DPYSL2: variants seen among roughly 807,000 people sequenced by gnomAD.
DPYSL2 encodes the protein dihydropyrimidinase like 2.
Under a neutral mutation model 69.9 loss-of-function variants are expected in DPYSL2, and 13 were observed. The observed-to-expected ratio is 0.19, with a 90% CI of 0.12 to 0.30. The LOEUF is 0.30. Ranked by LOEUF, DPYSL2 falls within the 10% of genes least tolerant of loss-of-function variation. DPYSL2 has a pLI of 1.00. For synonymous variants in DPYSL2, 326 were observed against 359.1 expected (o/e 0.91, Z 1.04); for missense variants, 587 against 918.9 (o/e 0.64, Z 4.67).
chr8:26,543,600 G>A (rs1489935610), intron 1 of DPYSL2, among the ~76,000 whole-genome samples: 3 of 151,740 alleles, frequency 2.0e-5, no homozygotes, highest in Non-Finnish European at 4.4e-5. Context: ...CGATTCTCCT[G>A]CTTCAGCCTC....
chr8:26,548,084 T>G, intron 1 of DPYSL2: 1 of 230,736 alleles, frequency 4.3e-6, no homozygotes, highest in Non-Finnish European at 9.0e-6. Flanking sequence ...TCCCCAAGAT[T>G]GAGGATGGAC....
chr8:26,603,943 CAT>C (rs1173472386), intron 3 of DPYSL2, among the ~76,000 whole-genome samples: 1 of 152,180 alleles, frequency 6.6e-6, no homozygotes, highest in Non-Finnish European at 1.5e-5. Context: ...CTGCTATGAA[CAT>C]GAGTGTGCAA....
chr8:26,578,135 C>G (rs1801402547), intron 1 of DPYSL2: 1 of 1,575,114 alleles, frequency 6.3e-7, no homozygotes, highest in African/African-American at 1.4e-5. Flanking sequence ...GAAGCGGTTG[C>G]ACCCTTTTCA....
chr8:26,643,156 C>T lies in DPYSL2; in HGVS notation c.1127-283C>T, dbSNP rs1171723970. On this transcript the variant is annotated intron_variant, in intron 8 of 13. Transcript: ENST00000521913. The surrounding 1 kb of genome is among the most constrained non-coding windows in gnomAD (Gnocchi z 6.5). The stretch of plus-strand genomic sequence containing the variant: ...GATTAATGGAATTGAAAATCAGCAA[C>T]GTAGGAGACAGAAGCCTTCAGGATG... 5 of 346,156 alleles carry T rather than the reference C, an allele frequency of 1.4e-5. No homozygotes were observed. The highest frequency in any genetic ancestry group is 5.3e-5 in the East Asian group (1 of 18,986). The allele number at this position is 346,156 out of a possible 1,614,324, so 21.4% of individuals were successfully genotyped here.
intron 1 of DPYSL2, among the ~76,000 whole-genome samples, chr8:26,520,377 T>C (rs1808365393): frequency 6.6e-6 from 1 of 152,192 alleles, no homozygotes; most frequent in Non-Finnish European, 1.5e-5. Context: ...GAGCTTTTTC[T>C]ATCACTCTAA....
At chr8:26,600,180 G>A (rs1256070796) in intron 3 of DPYSL2, among the ~76,000 whole-genome samples, 1 of 152,216 alleles carries the variant, frequency 6.6e-6, no homozygotes, top group African/African-American at 2.4e-5. Context: ...CATTTGGGTT[G>A]TGTCCACTGT....
chr8:26,556,132 ATACTATATATAG>A (rs1800952116), intron 1 of DPYSL2, among the ~76,000 whole-genome samples: 2 of 2,996 alleles, frequency 6.7e-4, no homozygotes, highest in African/African-American at 2.3e-3. Flanking sequence ...TATATTATAT[ATACTATATATAG>A]TATATACTAT....
rs566708194 is a variant in DPYSL2, at chr8:26,565,788, A to G, written c.355-16181A>G. Among the ~76,000 whole-genome samples the G allele has an allele frequency of 6.6e-6, 1 of 152,298 alleles. No individual in the cohort carries two copies. Among genetic ancestry groups the G allele is most frequent in the South Asian group, 2.1e-4 (1 of 4,828 alleles). On this transcript the variant is annotated intron_variant, in intron 1 of 13. Coordinates refer to ENST00000521913, the MANE Select transcript of DPYSL2 (RefSeq NM_001197293.3). The surrounding 1 kb of genome is among the most constrained non-coding windows in gnomAD (Gnocchi z 4.1). ...AAGGTACAGGGTCCCCGCTCCATGC[A>G]ATTAACTGGAAAGTCAAACTGCTGG...
chr8:26,643,326 T>G lies in DPYSL2; in HGVS notation c.1127-113T>G. 1 of 1,153,350 alleles carries G rather than the reference T, an allele frequency of 8.7e-7. No individual in the cohort carries two copies. The highest frequency in any genetic ancestry group is 1.2e-6 in the Non-Finnish European group (1 of 824,216). The allele number at this position is 1,153,350 out of a possible 1,614,324, so 71.4% of individuals were successfully genotyped here. Reference sequence around the variant, plus strand: ...TGCGAGATGAGCCTGATATTTCCTATAAAGGGATAGTGAGTGCACTGGGTG... The same window carrying G: ...TGCGAGATGAGCCTGATATTTCCTAGAAAGGGATAGTGAGTGCACTGGGTG... On this transcript the variant is annotated intron_variant, in intron 8 of 13. Transcript: ENST00000521913. The surrounding 1 kb of genome is among the most constrained non-coding windows in gnomAD (Gnocchi z 6.5).
chr8:26,637,779 A>G (rs1802953405), intron 8 of DPYSL2: 1 of 152,186 alleles, frequency 6.6e-6, no homozygotes, highest in South Asian at 2.1e-4. Context: ...TCATCTCCAC[A>G]TGTCCTTTTG....
intron 3 of DPYSL2, among the ~76,000 whole-genome samples, chr8:26,584,950 C>T (rs935837059): frequency 3.3e-5 from 5 of 152,272 alleles, no homozygotes; most frequent in Non-Finnish European, 7.3e-5. Flanking sequence ...TAAATCTGAA[C>T]TGTATTCACA....
chr8:26,653,795 A>G lies in DPYSL2; in HGVS notation c.1942+398A>G, dbSNP rs1021896436. 1.3e-5 allele frequency among the ~76,000 whole-genome samples: 2 copies of G among 152,104 alleles called. No individual in the cohort carries two copies. Among genetic ancestry groups the G allele is most frequent in the African/African-American group, 2.4e-5 (1 of 41,420 alleles). ...CTGATAGAACTCCTGACTTCAGGTG[A>G]TCTGCCCGCCTCGGCCTCCCAAAGT... On this transcript the variant is annotated intron_variant, in intron 13 of 13. Coordinates refer to ENST00000521913, the MANE Select transcript of DPYSL2 (RefSeq NM_001197293.3). The surrounding 1 kb of genome is among the most constrained non-coding windows in gnomAD (Gnocchi z 5.7).
chr8:26,540,438 C>T (rs13282253), intron 1 of DPYSL2, among the ~76,000 whole-genome samples: 23,575 of 152,080 alleles, frequency 0.16, 2,241 homozygotes, highest in Non-Finnish European at 0.22. Context: ...GGGTAGAAAG[C>T]TCATTTAAAT....
chr8:26,543,545 T>C (rs2117626525), intron 1 of DPYSL2, among the ~76,000 whole-genome samples: 1 of 150,994 alleles, frequency 6.6e-6, no homozygotes, highest in East Asian at 2.0e-4. Context: ...TGGAGTGCAA[T>C]GGCAGGACCT....
At position 26,597,576 on chromosome 8, in the gene DPYSL2, G is replaced by A. The variant is rs193177031; in HGVS notation, c.628+13593G>A. Among the ~76,000 whole-genome samples, 515 of 152,102 alleles carry A rather than the reference G, an allele frequency of 3.4e-3. 1 individual carries two copies. Among genetic ancestry groups the A allele is most frequent in the African/African-American group, 0.011 (465 of 41,478 alleles). On this transcript the variant is annotated intron_variant, in intron 3 of 13. Coordinates refer to ENST00000521913, the MANE Select transcript of DPYSL2 (RefSeq NM_001197293.3). This position sits in a 1 kb window ranked among gnomAD's most constrained non-coding sequence, Gnocchi z 5.2. Reference sequence around the variant, plus strand: ...TGCAAGCTCCGCCTCCCAGGTTCACGCCATTCTCCTGCCTCAGCCTCCCAA... The same window carrying A: ...TGCAAGCTCCGCCTCCCAGGTTCACACCATTCTCCTGCCTCAGCCTCCCAA...
chr8:26,526,459 A>G (rs1381236890), intron 1 of DPYSL2, among the ~76,000 whole-genome samples: 1 of 152,134 alleles, frequency 6.6e-6, no homozygotes. Context: ...ATAGTTTTCC[A>G]TTGATTCTTT....
chr8:26,578,721 C>T (rs1208973259), intron 1 of DPYSL2, among the ~76,000 whole-genome samples: 1 of 152,184 alleles, frequency 6.6e-6, no homozygotes, highest in African/African-American at 2.4e-5. Flanking sequence ...TTGGATCCTC[C>T]CCGGGTCTTC....
rs1801620188 is a variant in DPYSL2 at position 26,586,963 on chromosome 8, A to G, written c.628+2980A>G. On this transcript the variant is annotated intron_variant, in intron 3 of 13. Transcript: ENST00000521913. The surrounding 1 kb of genome is among the most constrained non-coding windows in gnomAD (Gnocchi z 4.7). The stretch of plus-strand genomic sequence containing the variant: ...TGCCATTGCTTTTATAGCCTGAGAA[A>G]AGTACTAACTACTTTTGCAAATAAC... 6.6e-6 allele frequency among the ~76,000 whole-genome samples: 1 copy of G among 152,216 alleles called. No individual in the cohort carries two copies. Among genetic ancestry groups the G allele is most frequent in the Non-Finnish European group, 1.5e-5 (1 of 68,034 alleles).
intron 1 of DPYSL2, among the ~76,000 whole-genome samples, chr8:26,528,962 T>C (rs1056154872): frequency 6.6e-6 from 1 of 152,140 alleles, no homozygotes; most frequent in African/African-American, 2.4e-5. Flanking sequence ...ATATTGGCCC[T>C]GAGTTTAAGA....
Sources: gnomAD v4.1 joint callset for allele counts (sites outside exome capture counted in the v4.1 genomes callset) on GRCh38, gnomAD v4.1.1 for gene constraint, Gnocchi (gnomAD v3.1) non-coding constraint, MANE v1.5 for transcripts, NCBI Gene and HGNC (gene_info 2026-07-23, HGNC 2026-07-21) for gene names.